The following EPB42 variants were observed in gnomAD, a reference collection of about 807,000 sequenced individuals.
EPB42 encodes the protein protein 4.2.
Under a neutral mutation model 76.9 loss-of-function variants are expected in EPB42, and 49 were observed. The ratio of observed to expected loss-of-function variants is 0.64; its 90% CI spans 0.51 to 0.81. The LOEUF is 0.81. EPB42 is among the 30% of genes least tolerant of loss of function. The pLI is 0.00. For missense variants in EPB42, 731 were observed against 867.6 expected (o/e 0.84, Z 1.98); for synonymous variants, 310 against 338.4 (o/e 0.92, Z 0.92).
In EPB42 at chr15:43,206,260, T is replaced by C. The variant is rs560023305; in HGVS notation, c.1618+70A>G. The C allele has an allele frequency of 1.3e-6, 2 of 1,498,624 alleles. No homozygotes were observed. Among genetic ancestry groups the C allele is most frequent in the Non-Finnish European group, 1.8e-6 (2 of 1,116,454 alleles). The allele number at this position is 1,498,624 out of a possible 1,614,324, so 92.8% of individuals were successfully genotyped here. A position where few individuals can be genotyped will look rare whatever the true frequency, so the allele number is the denominator to read the frequency against. ...ACTGCAGGGGGTGCCCTGTGGCTGC[T>C]GCCTGCCCAAGGCAGGGGCCATGTG... On this transcript the variant is annotated intron_variant, in intron 10 of 12. Transcript: ENST00000441366. This position sits in a 1 kb window ranked among gnomAD's most constrained non-coding sequence, Gnocchi z 4.7.
At chr15:43,201,633 G>C (rs1291846224) in intron 12 of EPB42, among the ~76,000 whole-genome samples, 2 of 152,210 alleles carry the variant, frequency 1.3e-5, no homozygotes, top group Non-Finnish European at 2.9e-5. Context: ...GGTGCCCAAG[G>C]GGCCCGCACA....
intron 3 of EPB42, among the ~76,000 whole-genome samples, chr15:43,212,337 C>G (rs1481110298): frequency 1.4e-5 from 2 of 143,274 alleles, no homozygotes; most frequent in Admixed American, 7.3e-5. Flanking sequence ...CCATCGCACT[C>G]CAGCTTGGGC....
chr15:43,213,960 C>T (rs1206832528), intron 3 of EPB42, among the ~76,000 whole-genome samples: 1 of 152,170 alleles, frequency 6.6e-6, no homozygotes, highest in Non-Finnish European at 1.5e-5. Context: ...GACATGAGGC[C>T]AGGCTTAAGA....
chr15:43,211,326 G>A (rs1037531103), intron 4 of EPB42, 90 bp downstream of exon 4: 1 of 864,316 alleles, frequency 1.2e-6, no homozygotes, highest in Non-Finnish European at 2.0e-6. Flanking sequence ...ATGACCAGGG[G>A]TTTTTGGACC....
At chr15:43,225,227 G>C (rs1280296578), upstream of EPB42, among the ~76,000 whole-genome samples, 1 of 152,220 alleles carries the variant, frequency 6.6e-6, no homozygotes, top group African/African-American at 2.4e-5. Flanking sequence ...TCTAGATAGA[G>C]ACATCAGTGC....
chr15:43,221,868 C>T (rs913086575), upstream of EPB42, among the ~76,000 whole-genome samples: 3 of 149,984 alleles, frequency 2.0e-5, no homozygotes, highest in Admixed American at 6.6e-5. Flanking sequence ...CTTTCACTAG[C>T]GCAGTGGCTC....
At chr15:43,217,324 T>C (rs2042394330) in intron 1 of EPB42, among the ~76,000 whole-genome samples, 1 of 152,186 alleles carries the variant, frequency 6.6e-6, no homozygotes, top group African/African-American at 2.4e-5. Flanking sequence ...CATTCTGCCA[T>C]GATTGTAAGT....
intron 3 of EPB42, among the ~76,000 whole-genome samples, chr15:43,213,848 C>T (rs2042336156): frequency 6.6e-6 from 1 of 152,236 alleles, no homozygotes; most frequent in African/African-American, 2.4e-5. Context: ...CAGGTGGGGC[C>T]ACCTGAAGTC....
At chr15:43,225,069 C>T (rs1358068092), upstream of EPB42, among the ~76,000 whole-genome samples, 3 of 152,252 alleles carry the variant, frequency 2.0e-5, no homozygotes, top group Non-Finnish European at 2.9e-5. Context: ...CCACCGCGCC[C>T]AGTCCAAGCT....
chr15:43,197,504 G>T, intron 12 of EPB42, 40 bp from the exon 13 acceptor site: 2 of 1,611,956 alleles, frequency 1.2e-6, no homozygotes, highest in Non-Finnish European at 1.7e-6. Flanking sequence ...TCTGTCCCAG[G>T]TTCATTGCTC....
At chr15:43,203,380 G>A in intron 10 of EPB42, 105 bp from the exon 11 acceptor site, 1 of 1,397,010 alleles carries the variant, frequency 7.2e-7, no homozygotes, top group East Asian at 2.4e-5. Context: ...ACTGAGGCCA[G>A]AAAGATGCAC....
intron 7 of EPB42, 47 bp from the exon 8 acceptor site, chr15:43,208,380 C>G (rs1178537640): frequency 6.3e-7 from 1 of 1,585,144 alleles, no homozygotes; most frequent in East Asian, 2.2e-5. Flanking sequence ...AAAACGAGTG[C>G]TGAAGAGGTT....
At chr15:43,197,516 G>A (rs745996327) in intron 12 of EPB42, 52 bp from the exon 13 acceptor site, 2 of 1,605,890 alleles carry the variant, frequency 1.2e-6, no homozygotes, top group African/African-American at 2.7e-5. Flanking sequence ...TCATTGCTCT[G>A]CTGGTCCCAG....
Position 43,207,458 on chromosome 15 carries a change from T to C in EPB42, c.1076-17A>G. 1 of 1,612,776 alleles carries C rather than the reference T, an allele frequency of 6.2e-7. No individual in the cohort carries two copies. The highest frequency in any genetic ancestry group is 8.5e-7 in the Non-Finnish European group (1 of 1,180,018). On this transcript the variant is annotated splice_polypyrimidine_tract_variant and intron_variant, in intron 8 of 12. Transcript: ENST00000441366. The stretch of plus-strand genomic sequence containing the variant: ...ACCCCAGGACTGAGGGAGAGAAAGG[T>C]TGGTGAGCATGGGAGCTGCGCCTAG...
intron 3 of EPB42, 54 bp downstream of exon 3, chr15:43,215,041 G>T: frequency 2.0e-6 from 3 of 1,500,106 alleles, no homozygotes; most frequent in Non-Finnish European, 1.8e-6. Flanking sequence ...CTGCACCCCA[G>T]CTCCAGTGTC....
chr15:43,222,007 G>T (rs559939423), upstream of EPB42, among the ~76,000 whole-genome samples: 2 of 151,924 alleles, frequency 1.3e-5, no homozygotes, highest in East Asian at 3.9e-4. Flanking sequence ...GCTGGGCGTG[G>T]TGGCAGGCGC....
intron 4 of EPB42, 91 bp from the exon 5 acceptor site, chr15:43,210,530 G>T: frequency 1.7e-6 from 2 of 1,160,730 alleles, no homozygotes; most frequent in Non-Finnish European, 2.6e-6. Context: ...CTGCAGGACA[G>T]CCTCATCATC....
Position 43,220,853 on chromosome 15 carries a change from T to A in EPB42, c.-28A>T. On this transcript the variant is annotated 5_prime_UTR_variant, in exon 1 of 13. Coordinates refer to ENST00000441366, the MANE Select transcript of EPB42 (RefSeq NM_001114134.2). Reference sequence around the variant, plus strand: ...TTGCAGGCCGCTCCTCTTATCCACTTGGCCGCAGAAAGCGCCTCTCTCAAA... The same window carrying A: ...TTGCAGGCCGCTCCTCTTATCCACTAGGCCGCAGAAAGCGCCTCTCTCAAA... The A allele has an allele frequency of 6.3e-7, 1 of 1,599,934 alleles. No individual in the cohort carries two copies. The highest frequency in any genetic ancestry group is 8.5e-7 in the Non-Finnish European group (1 of 1,172,396).
At chr15:43,224,731 A>G (rs1325962706), upstream of EPB42, among the ~76,000 whole-genome samples, 1 of 152,242 alleles carries the variant, frequency 6.6e-6, no homozygotes, top group Admixed American at 6.5e-5. Flanking sequence ...AGAATGAAGT[A>G]GCTCTATATA....
Sources: allele counts gnomAD v4.1 joint callset (sites outside exome capture counted in the v4.1 genomes callset), GRCh38; gene constraint gnomAD v4.1.1; non-coding constraint Gnocchi (gnomAD v3.1); transcripts MANE v1.5; gene names NCBI Gene and HGNC (gene_info 2026-07-23, HGNC 2026-07-21).